Variants in CACNA2D3 observed in about 807,000 individuals in gnomAD.
CACNA2D3 encodes voltage-dependent calcium channel subunit alpha-2/delta-3.
In CACNA2D3, 60 loss-of-function variants were observed where a neutral mutation model predicts 160.6. The ratio of observed to expected loss-of-function variants is 0.37; its 90% CI spans 0.30 to 0.46. CACNA2D3 has a LOEUF of 0.46. Among genes scored for constraint, CACNA2D3 ranks in the 20% least tolerant of loss-of-function variants. The pLI is 1.00. For missense variants in CACNA2D3, 1,205 were observed against 1,365.0 expected, an observed-to-expected ratio of 0.88 and a Z score of 1.85; for synonymous variants, 558 against 492.9, an observed-to-expected ratio of 1.13 and a Z score of -1.75.
intron 2 of CACNA2D3, among the ~76,000 whole-genome samples, chr3:54,241,300 A>G (rs918213029): frequency 3.3e-5 from 5 of 152,156 alleles, no homozygotes; most frequent in Non-Finnish European, 7.4e-5. Context: ...GCACTGTTGT[A>G]AGCACTTCCT....
chr3:54,952,127 T>C (rs928895181), intron 27 of CACNA2D3, among the ~76,000 whole-genome samples: 18 of 152,194 alleles, frequency 1.2e-4, no homozygotes, highest in Admixed American at 1.2e-3. Context: ...ATTACACATG[T>C]TAGCCACTGG....
intron 4 of CACNA2D3, among the ~76,000 whole-genome samples, chr3:54,466,524 C>T (rs1360420722): frequency 2.0e-5 from 3 of 151,988 alleles, no homozygotes; most frequent in Non-Finnish European, 4.4e-5. Flanking sequence ...CAAGTTTTTC[C>T]CCTCAATGGC....
intron 35 of CACNA2D3, among the ~76,000 whole-genome samples, chr3:55,020,626 T>A (rs893068044): frequency 6.6e-6 from 1 of 151,798 alleles, no homozygotes; most frequent in African/African-American, 2.4e-5. Flanking sequence ...AAGGCGGGTG[T>A]ATCACCTGAG....
chr3:55,023,937 C>A (rs1385619038), intron 35 of CACNA2D3, among the ~76,000 whole-genome samples: 2 of 147,568 alleles, frequency 1.4e-5, no homozygotes, highest in Admixed American at 1.4e-4. Context: ...CTTTAAGTGT[C>A]TTCTCTTGTA....
At chr3:54,638,261 G>A (rs1386502205) in intron 10 of CACNA2D3, 1 of 151,990 alleles carries the variant, frequency 6.6e-6, no homozygotes, top group Non-Finnish European at 1.5e-5. Flanking sequence ...GCTGCCAAAC[G>A]AGCCATGAAC....
intron 13 of CACNA2D3, among the ~76,000 whole-genome samples, chr3:54,779,913 C>T (rs531211369): frequency 9.3e-4 from 141 of 152,298 alleles, no homozygotes; most frequent in Admixed American, 2.2e-3. Context: ...AGGACTGGGG[C>T]AGTCTGTGAT....
chr3:54,423,308 A>C (rs1052944430), intron 4 of CACNA2D3, among the ~76,000 whole-genome samples: 1 of 152,214 alleles, frequency 6.6e-6, no homozygotes, highest in Non-Finnish European at 1.5e-5. Flanking sequence ...TAAAAAGAAG[A>C]AATGAATTAG....
chr3:54,141,605 G>T (rs1332142302), intron 2 of CACNA2D3, among the ~76,000 whole-genome samples: 2 of 152,208 alleles, frequency 1.3e-5, no homozygotes, highest in Non-Finnish European at 2.9e-5. Flanking sequence ...CCCTTGAATA[G>T]TGCAGTATAA....
intron 11 of CACNA2D3, among the ~76,000 whole-genome samples, chr3:54,662,239 A>T (rs1699987554): frequency 6.6e-6 from 1 of 152,042 alleles, no homozygotes; most frequent in Non-Finnish European, 1.5e-5. Context: ...TATGCTACTG[A>T]GGACTGAACA....
intron 2 of CACNA2D3, among the ~76,000 whole-genome samples, chr3:54,313,631 C>T (rs185841778): frequency 1.3e-5 from 2 of 152,228 alleles, no homozygotes; most frequent in South Asian, 2.1e-4. Context: ...GCCATCCATG[C>T]TCCAGTGCAG....
At chr3:54,725,772 G>A (rs553232670) in intron 11 of CACNA2D3, among the ~76,000 whole-genome samples, 66 of 152,104 alleles carry the variant, frequency 4.3e-4, no homozygotes, top group African/African-American at 1.4e-3. Flanking sequence ...TCAAAATAAC[G>A]AGAGCTATTT....
intron 27 of CACNA2D3, chr3:54,928,091 G>A: frequency 1.6e-6 from 1 of 611,524 alleles, no homozygotes; most frequent in South Asian, 2.2e-5. Flanking sequence ...ATTTATTTAA[G>A]CAGCCCTTCC....
intron 4 of CACNA2D3, among the ~76,000 whole-genome samples, chr3:54,393,407 G>A (rs1263921341): frequency 6.6e-6 from 1 of 152,178 alleles, no homozygotes; most frequent in African/African-American, 2.4e-5. Flanking sequence ...CTGCTGGAGT[G>A]TGTGTCTGGC....
chr3:54,809,307 C>CTTTTTTTTT (rs1417063441), intron 13 of CACNA2D3, among the ~76,000 whole-genome samples: 14 of 86,248 alleles, frequency 1.6e-4, no homozygotes, highest in South Asian at 3.6e-4. Context: ...TTCCTTCCTT[C>CTTTTTTTTT]TTTCTTTTTT....
At chr3:54,634,162 C>T (rs1699308820) in intron 10 of CACNA2D3, among the ~76,000 whole-genome samples, 1 of 152,134 alleles carries the variant, frequency 6.6e-6, no homozygotes, top group South Asian at 2.1e-4. Context: ...CACCAGTGGC[C>T]AGCCAGCAAA....
chr3:54,562,958 G>T, intron 6 of CACNA2D3, 27 bp downstream of exon 6: 2 of 1,603,492 alleles, frequency 1.2e-6, no homozygotes, highest in South Asian at 2.2e-5. Flanking sequence ...TGACAGTTAT[G>T]ACTCAGATTA....
At chr3:54,149,687 A>G (rs1048718742) in intron 2 of CACNA2D3, among the ~76,000 whole-genome samples, 10 of 152,100 alleles carry the variant, frequency 6.6e-5, no homozygotes, top group Non-Finnish European at 1.2e-4. Context: ...ACACATGACG[A>G]GGAGCAGCTT....
At chr3:54,990,815 G>A (rs948909614) in intron 31 of CACNA2D3, among the ~76,000 whole-genome samples, 4 of 152,060 alleles carry the variant, frequency 2.6e-5, no homozygotes, top group South Asian at 2.1e-4. Flanking sequence ...TCCACTTCTG[G>A]GTCTGTAGTG....
chr3:54,483,697 A>G (rs1242004084), intron 4 of CACNA2D3, among the ~76,000 whole-genome samples: 2 of 152,096 alleles, frequency 1.3e-5, no homozygotes, highest in East Asian at 1.9e-4. Flanking sequence ...ACCATCTTTC[A>G]CCTTGTTTCT....
Sources: allele counts gnomAD v4.1 joint callset (sites outside exome capture counted in the v4.1 genomes callset), GRCh38; gene constraint gnomAD v4.1.1; transcripts MANE v1.5; gene names NCBI Gene and HGNC (gene_info 2026-07-23, HGNC 2026-07-21).